The following IRAK2 variants were observed in gnomAD, a reference collection of about 807,000 sequenced individuals.
IRAK2 encodes interleukin-1 receptor-associated kinase-like 2.
IRAK2 carries 57 observed loss-of-function variants against 72.0 expected under a neutral mutation model. The ratio of observed to expected loss-of-function variants is 0.79; its 90% CI spans 0.64 to 0.99. The LOEUF is 0.99. Among genes scored for constraint, IRAK2 ranks in the 50% least tolerant of loss-of-function variants. The probability of loss-of-function intolerance (pLI) is 0.00; values close to 1 mark genes in which losing one functional copy is unlikely to be tolerated. For synonymous variants in IRAK2, 293 were observed against 312.7 expected, an observed-to-expected ratio of 0.94 and a Z score of 0.67; for missense variants, 790 against 794.4, an observed-to-expected ratio of 0.99 and a Z score of 0.07.
intron 3 of IRAK2, among the ~76,000 whole-genome samples, chr3:10,209,151 A>G (rs1575974754): frequency 1.3e-5 from 2 of 152,028 alleles, no homozygotes; most frequent in Non-Finnish European, 2.9e-5. Flanking sequence ...TCCTCGGAGG[A>G]TAGTTACTGC....
At chr3:10,177,245 T>C (rs1465969302) in intron 1 of IRAK2, among the ~76,000 whole-genome samples, 3 of 152,256 alleles carry the variant, frequency 2.0e-5, no homozygotes, top group East Asian at 3.9e-4. Flanking sequence ...CATACACTTG[T>C]TGAGTTCCCC....
At chr3:10,230,038 C>T (rs1697835454) in intron 10 of IRAK2, among the ~76,000 whole-genome samples, 2 of 151,942 alleles carry the variant, frequency 1.3e-5, no homozygotes. Context: ...AGGCAGAGTA[C>T]AGTGAGTCGA....
At chr3:10,240,789 C>G (rs190836729) in intron 12 of IRAK2, among the ~76,000 whole-genome samples, 183 of 151,378 alleles carry the variant, frequency 1.2e-3, no homozygotes, top group African/African-American at 4.2e-3. Flanking sequence ...GAACTCCCAA[C>G]CTCAGGTGAT....
intron 8 of IRAK2, among the ~76,000 whole-genome samples, chr3:10,221,247 A>T (rs1433317462): frequency 1.5e-5 from 2 of 137,696 alleles, no homozygotes; most frequent in African/African-American, 5.5e-5. Context: ...CAAAAAAAAA[A>T]ATTTTTTTTT....
intron 2 of IRAK2, among the ~76,000 whole-genome samples, chr3:10,187,048 C>G (rs917514849): frequency 1.3e-5 from 2 of 149,968 alleles, no homozygotes; most frequent in African/African-American, 5.0e-5. Context: ...AATCCAGTAT[C>G]TGAAGTGCAT....
At chr3:10,194,996 G>A (rs1033904462) in intron 2 of IRAK2, among the ~76,000 whole-genome samples, 51 of 152,078 alleles carry the variant, frequency 3.4e-4, no homozygotes, top group African/African-American at 1.2e-3. Flanking sequence ...TGCCGACACC[G>A]CCCCTCCCCA....
At chr3:10,237,823 A>G (rs929514942) in intron 11 of IRAK2, among the ~76,000 whole-genome samples, 1 of 147,758 alleles carries the variant, frequency 6.8e-6, no homozygotes, top group Non-Finnish European at 1.5e-5. Context: ...AAAAAAAAAA[A>G]AAGAAAGAAA....
intron 10 of IRAK2, among the ~76,000 whole-genome samples, chr3:10,227,200 C>G (rs1053051580): frequency 6.6e-6 from 1 of 152,026 alleles, no homozygotes; most frequent in Non-Finnish European, 1.5e-5. Context: ...AATCCCAGCA[C>G]TTTGGAGGAG....
chr3:10,193,580 A>C (rs966053996), intron 2 of IRAK2, among the ~76,000 whole-genome samples: 1 of 152,200 alleles, frequency 6.6e-6, no homozygotes, highest in African/African-American at 2.4e-5. Flanking sequence ...CTATGGTTGC[A>C]CCAGTGCACT....
chr3:10,242,053 A>T, intron 12 of IRAK2, 63 bp from the exon 13 acceptor site: 1 of 931,356 alleles, frequency 1.1e-6, no homozygotes, highest in Non-Finnish European at 1.7e-6. Context: ...AAGTGACTTT[A>T]AGAATTATAA....
chr3:10,230,023 C>T (rs745666418), intron 10 of IRAK2, among the ~76,000 whole-genome samples: 1 of 151,994 alleles, frequency 6.6e-6, no homozygotes, highest in African/African-American at 2.4e-5. Flanking sequence ...TCGCTTGAAC[C>T]TGGGAGGCAG....
At chr3:10,217,883 T>C (rs1204086760) in intron 7 of IRAK2, among the ~76,000 whole-genome samples, 1 of 152,090 alleles carries the variant, frequency 6.6e-6, no homozygotes, top group Non-Finnish European at 1.5e-5. Flanking sequence ...GTGATAAGGG[T>C]TTTACGTAGG....
chr3:10,184,833 C>A (rs1176164290), intron 2 of IRAK2, among the ~76,000 whole-genome samples: 2 of 149,806 alleles, frequency 1.3e-5, no homozygotes, highest in Non-Finnish European at 2.9e-5. Context: ...AGGTTCACGC[C>A]ATTCTCTTGC....
chr3:10,179,830 A>G (rs1696935104), intron 2 of IRAK2, among the ~76,000 whole-genome samples: 1 of 151,928 alleles, frequency 6.6e-6, no homozygotes, highest in African/African-American at 2.4e-5. Flanking sequence ...TTGGCCTCCC[A>G]AAGTGCTGGG....
intron 2 of IRAK2, among the ~76,000 whole-genome samples, chr3:10,184,927 C>T (rs551685573): frequency 1.4e-3 from 210 of 150,234 alleles, no homozygotes; most frequent in Non-Finnish European, 2.2e-3. Context: ...TTAGTAGAGA[C>T]GGGGTTTCAC....
chr3:10,198,271 C>T (rs531016648), intron 2 of IRAK2, among the ~76,000 whole-genome samples: 1 of 152,186 alleles, frequency 6.6e-6, no homozygotes, highest in African/African-American at 2.4e-5. Flanking sequence ...AACACAAGGA[C>T]GAAGCCACTC....
At chr3:10,226,330 G>C (rs377624530) in intron 9 of IRAK2, 41 bp from the exon 10 acceptor site, 89 of 1,546,566 alleles carry the variant, frequency 5.8e-5, no homozygotes, top group Non-Finnish European at 7.6e-5. Context: ...CTGTGTGCAC[G>C]AGCGTCTGAA....
At chr3:10,197,892 A>G (rs1697296149) in intron 2 of IRAK2, among the ~76,000 whole-genome samples, 1 of 148,952 alleles carries the variant, frequency 6.7e-6, no homozygotes, top group Non-Finnish European at 1.5e-5. Flanking sequence ...GTGACAGTAA[A>G]GAAAACACAA....
At chr3:10,231,902 G>A (rs1460887992) in intron 10 of IRAK2, among the ~76,000 whole-genome samples, 2 of 152,050 alleles carry the variant, frequency 1.3e-5, no homozygotes, top group South Asian at 2.1e-4. Flanking sequence ...TGAGGCAGGC[G>A]GATCACAAGG....
Sources: allele counts gnomAD v4.1 joint callset (sites outside exome capture counted in the v4.1 genomes callset), GRCh38; gene constraint gnomAD v4.1.1; transcripts MANE v1.5; gene names NCBI Gene and HGNC (gene_info 2026-07-23, HGNC 2026-07-21).